The following RHBDF1 variants were observed in gnomAD, a reference collection of about 807,000 sequenced individuals.
The protein encoded by RHBDF1 is inactive rhomboid protein 1.
Under a neutral mutation model 98.6 loss-of-function variants are expected in RHBDF1, and 80 were observed. That is an observed-to-expected ratio of 0.81 (90% CI 0.68 to 0.98). The LOEUF (loss-of-function observed/expected upper bound fraction) is 0.98. Ranked by LOEUF, RHBDF1 falls within the 50% of genes least tolerant of loss-of-function variation. The pLI is 0.00. For missense variants in RHBDF1, 1,116 were observed against 1,198.3 expected (o/e 0.93, Z 1.01); for synonymous variants, 512 against 486.8 (o/e 1.05, Z -0.68).
At chr16:67,451 A>G (rs1897858715) in intron 1 of RHBDF1, among the ~76,000 whole-genome samples, 1 of 152,122 alleles carries the variant, frequency 6.6e-6, no homozygotes, top group Non-Finnish European at 1.5e-5. Flanking sequence ...TTCACTCAGG[A>G]GTGTGAGTGA....
chr16:69,527 C>G (rs1897917548), intron 1 of RHBDF1, among the ~76,000 whole-genome samples: 1 of 152,002 alleles, frequency 6.6e-6, no homozygotes, highest in South Asian at 2.1e-4. Flanking sequence ...ACACGCTGCT[C>G]TCTGACCCTC....
upstream of RHBDF1, among the ~76,000 whole-genome samples, chr16:76,092 G>C (rs1240198022): frequency 6.6e-6 from 1 of 152,160 alleles, no homozygotes; most frequent in African/African-American, 2.4e-5. Context: ...GGTCAGGGCT[G>C]CTCACCCCAG....
intron 3 of RHBDF1, chr16:64,479 G>A (rs1897767800): frequency 6.6e-7 from 1 of 1,521,770 alleles, no homozygotes; most frequent in Non-Finnish European, 8.9e-7. Context: ...AGACAGAGAA[G>A]GAGAGAGTGA....
chr16:73,226 GCA>G (rs931874188), upstream of RHBDF1, among the ~76,000 whole-genome samples: 3 of 151,980 alleles, frequency 2.0e-5, no homozygotes, highest in South Asian at 4.2e-4. Context: ...ACATACACGT[GCA>G]CACACACACG....
Position 58,155 on chromosome 16 carries a change from T to C in RHBDF1, c.*185A>G, listed in dbSNP as rs1310869654. 6 of 592,888 alleles carry C rather than the reference T, an allele frequency of 1.0e-5. No homozygotes were observed. In the East Asian group the frequency reaches 1.4e-4, roughly 14 times the overall value. 36.7% of individuals were successfully genotyped at this position (592,888 alleles called of 1,614,324 possible). On this transcript the variant is annotated 3_prime_UTR_variant, in exon 18 of 18. Coordinates refer to ENST00000262316, the MANE Select transcript of RHBDF1 (RefSeq NM_022450.5). ...TAGAAGGTTATGACAGGAAGTAGTA[T>C]AATAAATGCCCGGCAGTACGAGGGG...
intron 1 of RHBDF1, among the ~76,000 whole-genome samples, chr16:66,002 C>T (rs1412193878): frequency 6.6e-6 from 1 of 152,250 alleles, no homozygotes; most frequent in Non-Finnish European, 1.5e-5. Flanking sequence ...ATTCTGGCCA[C>T]CACTGCCTGG....
rs1567113543 is a variant in RHBDF1, at chr16:61,289, CGAG to C, written c.1396-11_1396-9del. ...CAGGTGGATGAGGGCCTCCTGCGGGCGAGGGAGACGAGCGGCCGCAGTCCGGGG... is the reference window on the plus strand; with the variant it reads ...CAGGTGGATGAGGGCCTCCTGCGGGCGGAGACGAGCGGCCGCAGTCCGGGG... On this transcript the variant is annotated splice_polypyrimidine_tract_variant and intron_variant, in intron 10 of 17. Transcript: ENST00000262316. 3.2e-6 allele frequency: 5 copies of C among 1,542,158 alleles called. No individual in the cohort carries two copies. In the Admixed American group the frequency reaches 9.9e-5, roughly 31 times the overall value.
At chr16:65,504 G>A (rs1427746899) in intron 1 of RHBDF1, among the ~76,000 whole-genome samples, 1 of 152,232 alleles carries the variant, frequency 6.6e-6, no homozygotes, top group African/African-American at 2.4e-5. Flanking sequence ...GCTGAGCAAA[G>A]GCTTGAAGGA....
In RHBDF1 at chr16:59,364, A is replaced by C. The variant is rs759130439; in HGVS notation, c.1894-15T>G. On this transcript the variant is annotated splice_polypyrimidine_tract_variant and intron_variant, in intron 15 of 17. Coordinates refer to ENST00000262316, the MANE Select transcript of RHBDF1 (RefSeq NM_022450.5). ...ATGCAGTGCACCTGCGCAGAGCAGC[A>C]TATCAGCATCACAGTAGCTGGGGGA... 1.2e-6 allele frequency: 2 copies of C among 1,612,294 alleles called. No homozygotes were observed. The highest frequency in any genetic ancestry group is 1.7e-5 in the Admixed American group (1 of 59,900).
chr16:64,758 G>A lies in RHBDF1; in HGVS notation c.189C>T (p.His63=), dbSNP rs1269651532. 2 of 1,614,098 alleles carry A rather than the reference G, an allele frequency of 1.2e-6. No individual in the cohort carries two copies. Among genetic ancestry groups the A allele is most frequent in the African/African-American group, 1.3e-5 (1 of 75,034 alleles). The change falls in exon 3 of 18, where the codon CAC becomes CAT. Residue 63 remains histidine, a synonymous_variant. Transcript: ENST00000262316. ...PAETAHISSP[H]HELRRPVLQR... Reference sequence around the variant, plus strand: ...GCAGCACCGGCCGCCGGAGCTCATGGTGGGGTGAAGAGATGTGGGCTGTCT... The same window carrying A: ...GCAGCACCGGCCGCCGGAGCTCATGATGGGGTGAAGAGATGTGGGCTGTCT...
intron 7 of RHBDF1, 126 bp from the exon 8 acceptor site, chr16:62,178 C>G (rs1012412013): frequency 3.3e-5 from 43 of 1,318,784 alleles, no homozygotes; most frequent in Non-Finnish European, 4.2e-5. Flanking sequence ...CGGCATCTGC[C>G]TTCTCCTTGC....
At position 69,148 on chromosome 16, in the gene RHBDF1, T is replaced by C. The variant is rs565228866; in HGVS notation, c.-25+3365A>G. Among the ~76,000 whole-genome samples the C allele has an allele frequency of 5.3e-5, 8 of 152,248 alleles. No homozygotes were observed. The South Asian group carries it at 1.7e-3, about 32-fold the overall frequency. Reference sequence around the variant, plus strand: ...ACAAGAGGGCAGCCCTGGGGACACCTGGGGACAGAACCCTCCAAAGGTGTC... The same window carrying C: ...ACAAGAGGGCAGCCCTGGGGACACCCGGGGACAGAACCCTCCAAAGGTGTC... On this transcript the variant is annotated intron_variant, in intron 1 of 17. Transcript: ENST00000262316.
At chr16:59,592 C>T (rs888485088) in intron 14 of RHBDF1, 98 bp from the exon 15 acceptor site, 2 of 1,477,750 alleles carry the variant, frequency 1.4e-6, no homozygotes, top group Admixed American at 3.8e-5. Flanking sequence ...CCTTTGTTGG[C>T]CCCAAGGAAG....
chr16:68,413 G>A (rs1415551070), intron 1 of RHBDF1, among the ~76,000 whole-genome samples: 5 of 152,212 alleles, frequency 3.3e-5, no homozygotes, highest in African/African-American at 9.6e-5. Flanking sequence ...AGAGACAGTG[G>A]CTCAGTGTCC....
chr16:67,937 G>A (rs1050848255), intron 1 of RHBDF1, among the ~76,000 whole-genome samples: 26 of 152,148 alleles, frequency 1.7e-4, no homozygotes, highest in Non-Finnish European at 3.1e-4. Flanking sequence ...AGCTGTGAGC[G>A]TGTACGGGGA....
chr16:62,492 G>A lies in RHBDF1; in HGVS notation c.953+46C>T, dbSNP rs747259165. 1.8e-5 allele frequency: 28 copies of A among 1,598,670 alleles called. 1 individual carries two copies. The highest frequency in any genetic ancestry group is 2.3e-5 in the Non-Finnish European group (27 of 1,176,088). ...ATACTCGCCCAGCTGTTCCTGACGGGCCCCGGGGTCTCTCTCTGCCCCTCT... is the reference window on the plus strand; with the variant it reads ...ATACTCGCCCAGCTGTTCCTGACGGACCCCGGGGTCTCTCTCTGCCCCTCT... On this transcript the variant is annotated intron_variant, in intron 7 of 17. Transcript: ENST00000262316.
At chr16:60,033 T>C (rs1018603246) in intron 13 of RHBDF1, 183 bp downstream of exon 13, 33 of 1,475,992 alleles carry the variant, frequency 2.2e-5, no homozygotes, top group Non-Finnish European at 2.9e-5. Context: ...GTTCTCTTGA[T>C]CTACTTGCTC....
At chr16:72,490 C>A (rs1336857002) in intron 1 of RHBDF1, 23 bp downstream of exon 1, 3 of 977,182 alleles carry the variant, frequency 3.1e-6, no homozygotes, top group East Asian at 1.1e-4. Context: ...CGGAGCCCTG[C>A]GCTCCCGGCC....
At position 60,512 on chromosome 16, in the gene RHBDF1, G is replaced by T; in HGVS notation, c.1585C>A (p.Pro529Thr). ...SSTLAVWVKW[P>T]IHPSAPELAG... is the part of the protein sequence containing the mutation. ...AGCTCTGGGGCGCTGGGATGGATGGGCCACTTCACCCACACTGCCAGCGTG... is the reference window on the plus strand; with the variant it reads ...AGCTCTGGGGCGCTGGGATGGATGGTCCACTTCACCCACACTGCCAGCGTG... Residue 529 changes from proline to threonine, a missense_variant, in exon 12 of 18, where the codon CCC becomes ACC. Pro to Thr is a conservative substitution (Grantham distance 38, BLOSUM62 -1). Coordinates refer to ENST00000262316, the MANE Select transcript of RHBDF1 (RefSeq NM_022450.5). 1 of 1,610,248 alleles carries T rather than the reference G, an allele frequency of 6.2e-7. No homozygotes were observed.
Sources: gnomAD v4.1 joint callset for allele counts (sites outside exome capture counted in the v4.1 genomes callset) on GRCh38, gnomAD v4.1.1 for gene constraint, MANE v1.5 for transcripts, NCBI Gene and HGNC (gene_info 2026-07-23, HGNC 2026-07-21) for gene names.